Variants in GSG1L observed in about 807,000 individuals in gnomAD.
GSG1L encodes the protein GSG1 like, also known as germ cell-specific gene 1-like protein.
In GSG1L, 24 loss-of-function variants were observed where a neutral mutation model predicts 42.1. That is an observed-to-expected ratio of 0.57 (90% CI 0.41 to 0.80). The LOEUF (loss-of-function observed/expected upper bound fraction) is 0.80. GSG1L is among the 30% of genes least tolerant of loss of function. The pLI is 0.00. For synonymous variants in GSG1L, 215 were observed against 203.5 expected, an observed-to-expected ratio of 1.06 and a Z score of -0.48; for missense variants, 445 against 472.2, an observed-to-expected ratio of 0.94 and a Z score of 0.53.
At chr16:28,011,457 C>T (rs2085717031) in intron 1 of GSG1L, among the ~76,000 whole-genome samples, 3 of 152,182 alleles carry the variant, frequency 2.0e-5, no homozygotes, top group South Asian at 4.1e-4. Context: ...GTGTGAGGAC[C>T]GTGATGAACT....
intron 1 of GSG1L, among the ~76,000 whole-genome samples, chr16:28,057,289 G>A (rs1175169034): frequency 1.3e-5 from 2 of 152,134 alleles, no homozygotes; most frequent in Non-Finnish European, 2.9e-5. Flanking sequence ...GGGGAGCTGC[G>A]GGGCAAGGTG....
chr16:27,893,738 C>A (rs746830156), intron 2 of GSG1L, among the ~76,000 whole-genome samples: 4 of 151,850 alleles, frequency 2.6e-5, no homozygotes, highest in Non-Finnish European at 5.9e-5. Context: ...CACCACCATG[C>A]CCAGCTAATT....
intron 3 of GSG1L, among the ~76,000 whole-genome samples, chr16:27,869,841 C>A (rs1306647678): frequency 6.8e-6 from 1 of 147,976 alleles, no homozygotes; most frequent in South Asian, 2.2e-4. Flanking sequence ...CCCTCCATCT[C>A]TCTCTCCATC....
chr16:27,923,413 C>T (rs1388519105), intron 2 of GSG1L, among the ~76,000 whole-genome samples: 2 of 152,190 alleles, frequency 1.3e-5, no homozygotes, highest in Non-Finnish European at 2.9e-5. Context: ...GAGAGGAGAC[C>T]TCACCAGAAA....
rs1045581374 is a variant in GSG1L, at chr16:27,804,155, G to A, written c.898+3332C>T. 8.5e-5 allele frequency among the ~76,000 whole-genome samples: 13 copies of A among 152,078 alleles called. No homozygotes were observed. In the East Asian group the frequency reaches 1.4e-3, roughly 16 times the overall value. ...GTCTTCTCCCTGCTTAAAATGCCCCGGGCTCCCTGCTGCAGAATCAACTTC... is the reference window on the plus strand; with the variant it reads ...GTCTTCTCCCTGCTTAAAATGCCCCAGGCTCCCTGCTGCAGAATCAACTTC... On this transcript the variant is annotated intron_variant, in intron 6 of 6. Coordinates refer to ENST00000447459, the MANE Select transcript of GSG1L (RefSeq NM_001109763.2).
At chr16:28,025,549 C>T (rs1035001139) in intron 1 of GSG1L, among the ~76,000 whole-genome samples, 10 of 152,260 alleles carry the variant, frequency 6.6e-5, no homozygotes, top group African/African-American at 2.4e-4. Flanking sequence ...AGGCCCCCAA[C>T]GCTGCTGGGC....
chr16:28,032,406 C>T (rs369887802), intron 1 of GSG1L, among the ~76,000 whole-genome samples: 3 of 152,174 alleles, frequency 2.0e-5, no homozygotes, highest in African/African-American at 7.2e-5. Flanking sequence ...GCAGAGCTGG[C>T]GTAGTGAGAG....
At chr16:28,047,838 T>TA (rs1159599099) in intron 1 of GSG1L, among the ~76,000 whole-genome samples, 3 of 152,162 alleles carry the variant, frequency 2.0e-5, no homozygotes, top group East Asian at 1.9e-4. Context: ...GAAATTCAAG[T>TA]AAAAATGGGA....
intron 6 of GSG1L, among the ~76,000 whole-genome samples, chr16:27,795,823 C>A (rs1020468095): frequency 1.3e-5 from 2 of 152,202 alleles, no homozygotes; most frequent in African/African-American, 4.8e-5. Context: ...AACATCAGAT[C>A]TCCTCCAGCC....
chr16:27,880,086 C>T (rs2083934791), intron 3 of GSG1L, among the ~76,000 whole-genome samples: 1 of 152,148 alleles, frequency 6.6e-6, no homozygotes. Context: ...GCCTGCCTGC[C>T]AGCTCTTCCT....
chr16:27,845,044 C>T lies in GSG1L; in HGVS notation c.568G>A (p.Ala190Thr). 6.2e-7 allele frequency: 1 copy of T among 1,612,948 alleles called. No individual in the cohort carries two copies. Among genetic ancestry groups the T allele is most frequent in the Non-Finnish European group, 8.5e-7 (1 of 1,179,356 alleles). The change falls in exon 4 of 7, where the codon GCC becomes ACC. Residue 190 changes from alanine to threonine, a missense_variant. Physicochemically the swap from Ala to Thr is moderately conservative, Grantham distance 58. Around this residue, in one of 3 missense-constraint regions of GSG1L, gnomAD observed 149 missense variants for 223.3 expected, o/e 0.67. Transcript: ENST00000447459. ...TVLSGLLGMV[A>T]HMMYTQVFQV... ...AACACCTGCGTGTACATCATGTGGG[C>T]GACCATTCCCAGGAGGCCTGTGGGG...
intron 1 of GSG1L, among the ~76,000 whole-genome samples, chr16:28,003,262 TCA>T (rs1290242141): frequency 6.6e-6 from 1 of 152,188 alleles, no homozygotes; most frequent in African/African-American, 2.4e-5. Flanking sequence ...CAGAACCCAC[TCA>T]CAGGAGCTTG....
intron 1 of GSG1L, among the ~76,000 whole-genome samples, chr16:28,046,323 T>G (rs2086157331): frequency 1.4e-5 from 2 of 147,854 alleles, no homozygotes; most frequent in Admixed American, 6.8e-5. Flanking sequence ...GCCACATGCA[T>G]TGAGGAGGAA....
chr16:27,899,588 G>A (rs2084233469), intron 2 of GSG1L, among the ~76,000 whole-genome samples: 1 of 152,172 alleles, frequency 6.6e-6, no homozygotes, highest in South Asian at 2.1e-4. Context: ...GTGGTGGCGT[G>A]CACCTGTGGT....
intron 3 of GSG1L, among the ~76,000 whole-genome samples, chr16:27,877,129 T>C (rs2083897913): frequency 6.6e-6 from 1 of 152,130 alleles, no homozygotes; most frequent in Non-Finnish European, 1.5e-5. Context: ...CCCTGACCAC[T>C]GGGGAGCAAG....
At chr16:27,987,195 C>T (rs142589589) in intron 1 of GSG1L, among the ~76,000 whole-genome samples, 4,893 of 142,280 alleles carry the variant, frequency 0.034, 93 homozygotes, top group African/African-American at 0.041. Flanking sequence ...CCAGCCTGGG[C>T]GACAAGAGTG....
chr16:28,033,696 A>T (rs568320750), intron 1 of GSG1L, among the ~76,000 whole-genome samples: 16 of 152,330 alleles, frequency 1.1e-4, no homozygotes, highest in Admixed American at 2.6e-4. Flanking sequence ...ACAAAAAATT[A>T]AAATAAAATA....
chr16:27,813,590 C>T (rs531379599), intron 5 of GSG1L, among the ~76,000 whole-genome samples: 11 of 152,330 alleles, frequency 7.2e-5, no homozygotes, highest in South Asian at 4.1e-4. Context: ...CTTTCTATGA[C>T]GCAGTGTTGC....
chr16:27,845,962 G>A (rs1430377424), intron 3 of GSG1L, among the ~76,000 whole-genome samples: 1 of 151,634 alleles, frequency 6.6e-6, no homozygotes, highest in Non-Finnish European at 1.5e-5. Flanking sequence ...GAGTGCAGTG[G>A]CTCCATCTGG....
Sources: gnomAD v4.1 joint callset for allele counts (sites outside exome capture counted in the v4.1 genomes callset) on GRCh38, gnomAD v4.1.1 for gene constraint, gnomAD v4.1.1 regional missense constraint, MANE v1.5 for transcripts, NCBI Gene and HGNC (gene_info 2026-07-23, HGNC 2026-07-21) for gene names.